Variants in EVC2 observed in about 807,000 individuals in gnomAD.
EVC2 encodes EvC ciliary complex subunit 2.
EVC2 carries 148 observed loss-of-function variants against 149.3 expected under a neutral mutation model. That is an observed-to-expected ratio of 0.99 (90% CI 0.87 to 1.14). EVC2 has a LOEUF of 1.14. EVC2 is among the 50% of genes most tolerant of loss of function. The pLI is 0.00. For synonymous variants in EVC2, 776 were observed against 649.9 expected (o/e 1.19, Z -2.95); for missense variants, 1,854 against 1,627.3 (o/e 1.14, Z -2.40).
At chr4:5,605,585 G>C (rs950533507) in intron 16 of EVC2, among the ~76,000 whole-genome samples, 1 of 152,202 alleles carries the variant, frequency 6.6e-6, no homozygotes, top group African/African-American at 2.4e-5. Context: ...CATAATTTGT[G>C]CTGTGTCTCC....
rs770179911 is a variant in EVC2 at position 5,625,903 on chromosome 4, C to A, written c.1892G>T (p.Gly631Val). Residue 631 changes from glycine to valine, a missense_variant, in exon 13 of 22, where the codon GGG becomes GTG. Physicochemically the swap from Gly to Val is moderately radical, Grantham distance 109. Coordinates refer to ENST00000344408, the MANE Select transcript of EVC2 (RefSeq NM_147127.5). This position sits in a 1 kb window ranked among gnomAD's most constrained non-coding sequence, Gnocchi z 4.0. ...THLIQKHERA[G>V]YLDEDQMEML... ...TTCCATTTGGTCTTCATCCAGGTAC[C>A]CTGCTCTAGATGGAAAGGATGTAAA... 1.2e-5 allele frequency: 20 copies of A among 1,613,776 alleles called. No homozygotes were observed. The highest frequency in any genetic ancestry group is 3.3e-5 in the Admixed American group (2 of 59,972).
In EVC2 at chr4:5,663,133, A is replaced by G. The variant is rs1391474553; in HGVS notation, c.1119T>C (p.Pro373=). Residue 373 remains proline (P), a synonymous_variant, in exon 9 of 22, where the codon CCT becomes CCC. Coordinates refer to ENST00000344408, the MANE Select transcript of EVC2 (RefSeq NM_147127.5). ...CTTCTAAGGCTTGAAGCATGCTCCC[A>G]GGGTCCTCGGAAGACAGAATGTCTA... The part of the protein sequence containing the change: ...QMIDILSSED[P]GSMLQALEEL... 6.8e-6 allele frequency: 11 copies of G among 1,614,064 alleles called. No individual in the cohort carries two copies. Among genetic ancestry groups the G allele is most frequent in the Non-Finnish European group, 9.3e-6 (11 of 1,180,008 alleles).
At chr4:5,593,690 T>C (rs898125963) in intron 16 of EVC2, among the ~76,000 whole-genome samples, 1 of 152,082 alleles carries the variant, frequency 6.6e-6, no homozygotes, top group Admixed American at 6.5e-5. Context: ...ACCGGGATCA[T>C]CTCACTAGGG....
At chr4:5,630,296 A>G (rs1716438192) in intron 11 of EVC2, among the ~76,000 whole-genome samples, 1 of 152,184 alleles carries the variant, frequency 6.6e-6, no homozygotes, top group Admixed American at 6.5e-5. Flanking sequence ...AGGTCCCCAG[A>G]GGATGGGCAG....
At chr4:5,541,930 A>G (rs1256321175), downstream of EVC2, among the ~76,000 whole-genome samples, 1 of 152,030 alleles carries the variant, frequency 6.6e-6, no homozygotes, top group East Asian at 1.9e-4. Flanking sequence ...CCCAAATTCA[A>G]TTCATATGTT....
chr4:5,706,441 GATAGATACATACATAC>G lies in EVC2; in HGVS notation c.228+1829_228+1844del, dbSNP rs1560243836. Reference sequence around the variant, plus strand: ...AGATAGATAGATACATAGATAGATAGATAGATACATACATACATACATACATACATACATAGATAAT... The same window carrying G: ...AGATAGATAGATACATAGATAGATAGATACATACATACATACATAGATAAT... On this transcript the variant is annotated intron_variant, in intron 1 of 21. Coordinates refer to ENST00000344408, the MANE Select transcript of EVC2 (RefSeq NM_147127.5). 1.6e-3 allele frequency among the ~76,000 whole-genome samples: 70 copies of G among 44,566 alleles called. 6 individuals are homozygous for G. The highest frequency in any genetic ancestry group is 2.4e-3 in the Non-Finnish European group (53 of 22,306). 29.2% of individuals were successfully genotyped at this position (44,566 alleles called of 152,430 possible).
Position 5,686,103 on chromosome 4 carries a change from C to T in EVC2, c.707-624G>A, listed in dbSNP as rs1216000719. 9.9e-5 allele frequency among the ~76,000 whole-genome samples: 7 copies of T among 71,000 alleles called. 1 individual carries two copies. Among genetic ancestry groups the T allele is most frequent in the East Asian group, 1.3e-3 (2 of 1,570 alleles). The allele number at this position is 71,000 out of a possible 152,430, so 46.6% of individuals were successfully genotyped here. ...TACACACACATATATATTACACACA[C>T]ACACACACACACACACACACACACA... On this transcript the variant is annotated intron_variant, in intron 5 of 21. Transcript: ENST00000344408. The surrounding 1 kb of genome is among the most constrained non-coding windows in gnomAD (Gnocchi z 5.4).
intron 10 of EVC2, among the ~76,000 whole-genome samples, chr4:5,635,029 CTT>C (rs34769603): frequency 1.0e-3 from 72 of 71,450 alleles, no homozygotes; most frequent in African/African-American, 3.9e-3. Flanking sequence ...AACAAATGTG[CTT>C]TTTTTTTTTT....
intron 16 of EVC2, among the ~76,000 whole-genome samples, chr4:5,603,871 T>C (rs1394210673): frequency 6.6e-6 from 1 of 152,236 alleles, no homozygotes; most frequent in Non-Finnish European, 1.5e-5. Flanking sequence ...GAGAAATTTG[T>C]GTATACGCTG....
rs1442263413 is a variant in EVC2, at chr4:5,622,475, C to G, written c.2501+62G>C. The G allele has an allele frequency of 1.3e-6, 2 of 1,566,554 alleles. No individual in the cohort carries two copies. Among genetic ancestry groups the G allele is most frequent in the East Asian group, 2.3e-5 (1 of 42,570 alleles). The stretch of plus-strand genomic sequence containing the variant: ...CTTGGCCATCCCCACAACCACAGGG[C>G]AGGAATCTCCCTGGCATCAACGGGA... On this transcript the variant is annotated intron_variant, in intron 14 of 21. Coordinates refer to ENST00000344408, the MANE Select transcript of EVC2 (RefSeq NM_147127.5). The surrounding 1 kb of genome is among the most constrained non-coding windows in gnomAD (Gnocchi z 5.8).
chr4:5,584,516 G>T, intron 17 of EVC2, 107 bp downstream of exon 17: 1 of 1,154,964 alleles, frequency 8.7e-7, no homozygotes, highest in Non-Finnish European at 1.3e-6. Context: ...CAACCCCACA[G>T]CACAGACAGG....
At chr4:5,562,413 C>T, downstream of EVC2, 2 of 994,850 alleles carry the variant, frequency 2.0e-6, no homozygotes, top group South Asian at 3.7e-5. This position sits in a 1 kb window ranked among gnomAD's most constrained non-coding sequence, Gnocchi z 4.3. Flanking sequence ...CTACATAAAG[C>T]AAACATGGGT....
At chr4:5,638,613 C>A (rs115742469) in intron 10 of EVC2, among the ~76,000 whole-genome samples, 1 of 151,872 alleles carries the variant, frequency 6.6e-6, no homozygotes, top group Non-Finnish European at 1.5e-5. Flanking sequence ...TCCCACCCCC[C>A]AAAAAAGATA....
intron 7 of EVC2, among the ~76,000 whole-genome samples, chr4:5,672,308 A>T (rs572545725): frequency 6.6e-6 from 1 of 152,364 alleles, no homozygotes; most frequent in Admixed American, 6.5e-5. Flanking sequence ...AGCCTGACAG[A>T]GCCTTCGAGA....
chr4:5,685,130 T>C (rs1297866557), intron 6 of EVC2, among the ~76,000 whole-genome samples: 1 of 152,202 alleles, frequency 6.6e-6, no homozygotes, highest in Non-Finnish European at 1.5e-5. Flanking sequence ...CCTATCCTTA[T>C]GATAACCTCA....
chr4:5,601,434 A>G (rs1713971283), intron 16 of EVC2, among the ~76,000 whole-genome samples: 1 of 152,164 alleles, frequency 6.6e-6, no homozygotes, highest in Non-Finnish European at 1.5e-5. Context: ...TGAAAACATA[A>G]ATGAAAAACT....
At chr4:5,596,807 T>A (rs1713461783) in intron 16 of EVC2, among the ~76,000 whole-genome samples, 1 of 152,050 alleles carries the variant, frequency 6.6e-6, no homozygotes, top group Non-Finnish European at 1.5e-5. Flanking sequence ...ACAAAACTGA[T>A]AGACCGCTAG....
At position 5,686,838 on chromosome 4, in the gene EVC2, C is replaced by T. The variant is rs1385063096; in HGVS notation, c.707-1359G>A. 6.6e-6 allele frequency among the ~76,000 whole-genome samples: 1 copy of T among 151,422 alleles called. No individual in the cohort carries two copies. The highest frequency in any genetic ancestry group is 1.5e-5 in the Non-Finnish European group (1 of 68,006). On this transcript the variant is annotated intron_variant, in intron 5 of 21. Coordinates refer to ENST00000344408, the MANE Select transcript of EVC2 (RefSeq NM_147127.5). The surrounding 1 kb of genome is among the most constrained non-coding windows in gnomAD (Gnocchi z 5.4). ...CCAAGGTGAAAATCAATGTCACATTCCTTGGCGTAGCGGTGAGTTCACAGA... is the reference window on the plus strand; with the variant it reads ...CCAAGGTGAAAATCAATGTCACATTTCTTGGCGTAGCGGTGAGTTCACAGA...
Position 5,686,214 on chromosome 4 carries a change from A to G in EVC2, c.707-735T>C, listed in dbSNP as rs1185068412. ...AAAAATCCTCAACATTTTCATTTTTATTTAAAATTTTTTATTTATTTATTT... is the reference window on the plus strand; with the variant it reads ...AAAAATCCTCAACATTTTCATTTTTGTTTAAAATTTTTTATTTATTTATTT... On this transcript the variant is annotated intron_variant, in intron 5 of 21. Transcript: ENST00000344408. This position sits in a 1 kb window ranked among gnomAD's most constrained non-coding sequence, Gnocchi z 5.4. Among the ~76,000 whole-genome samples, 1 of 151,904 alleles carries G rather than the reference A, an allele frequency of 6.6e-6. No homozygotes were observed. Among genetic ancestry groups the G allele is most frequent in the Non-Finnish European group, 1.5e-5 (1 of 67,994 alleles).
Sources: gnomAD v4.1 joint callset for allele counts (sites outside exome capture counted in the v4.1 genomes callset) on GRCh38, gnomAD v4.1.1 for gene constraint, Gnocchi (gnomAD v3.1) non-coding constraint, MANE v1.5 for transcripts, NCBI Gene and HGNC (gene_info 2026-07-23, HGNC 2026-07-21) for gene names.